Variants in GRIK2 observed in about 807,000 individuals in gnomAD.
GRIK2 encodes the protein glutamate ionotropic receptor kainate type subunit 2.
GRIK2 carries 32 observed loss-of-function variants against 100.3 expected under a neutral mutation model. The observed-to-expected ratio is 0.32, with a 90% CI of 0.24 to 0.43. The LOEUF is 0.43. GRIK2 is among the 20% of genes least tolerant of loss of function. The pLI is 1.00. For synonymous variants in GRIK2, 417 were observed against 389.4 expected (o/e 1.07, Z -0.83); for missense variants, 843 against 1,114.9 (o/e 0.76, Z 3.47).
At chr6:101,827,952 T>G (rs1782444043) in intron 10 of GRIK2, among the ~76,000 whole-genome samples, 1 of 151,906 alleles carries the variant, frequency 6.6e-6, no homozygotes, top group African/African-American at 2.4e-5. Flanking sequence ...TACAGAATCT[T>G]CCATCCAAAA....
chr6:101,541,374 AACC>A (rs1352895251), intron 2 of GRIK2, among the ~76,000 whole-genome samples: 3 of 2,120 alleles, frequency 1.4e-3, no homozygotes, highest in Admixed American at 0.012. Flanking sequence ...CAGCGCACAC[AACC>A]ACACACACAC....
chr6:101,891,694 G>A, intron 12 of GRIK2: 1 of 335,444 alleles, frequency 3.0e-6, no homozygotes, highest in South Asian at 2.4e-5. Context: ...CTATGTATTG[G>A]AAGCATATTG....
intron 2 of GRIK2, among the ~76,000 whole-genome samples, chr6:101,431,773 A>G (rs1180011121): frequency 6.6e-6 from 1 of 152,186 alleles, no homozygotes; most frequent in African/African-American, 2.4e-5. Context: ...CTACTGATTT[A>G]ATAGTATTAT....
chr6:101,963,448 C>A (rs2128483285), intron 14 of GRIK2, among the ~76,000 whole-genome samples: 2 of 148,102 alleles, frequency 1.4e-5, no homozygotes, highest in Middle Eastern at 7.1e-3. Context: ...CAGGCGCCTG[C>A]CACAGCACCT....
intron 7 of GRIK2, among the ~76,000 whole-genome samples, chr6:101,775,876 T>G (rs1171116556): frequency 6.6e-6 from 1 of 151,644 alleles, no homozygotes; most frequent in Non-Finnish European, 1.5e-5. Context: ...CAGGCTGGAG[T>G]GCAGTGGCAC....
rs1193552049 is a variant in GRIK2 at position 101,707,594 on chromosome 6, G to GTATATATA, written c.951+21248_951+21249insATATATAT. 6.9e-4 allele frequency among the ~76,000 whole-genome samples: 73 copies of GTATATATA among 106,088 alleles called. 1 individual carries two copies. The highest frequency in any genetic ancestry group is 2.2e-3 in the South Asian group (7 of 3,206). The allele number at this position is 106,088 out of a possible 152,430, so 69.6% of individuals were successfully genotyped here. On this transcript the variant is annotated intron_variant, in intron 7 of 16. Transcript: ENST00000369134. ...TATGTGTATGTGTGTGTGTGTGTGT[G>GTATATATA]TATATATGTGTGTATATATATATAT...
intron 2 of GRIK2, among the ~76,000 whole-genome samples, chr6:101,587,402 CTCCG>C (rs1778430544): frequency 6.6e-6 from 1 of 150,510 alleles, no homozygotes. Context: ...CTGTCTGTCC[CTCCG>C]TCCATCCATC....
chr6:101,639,493 C>T (rs887955040), intron 4 of GRIK2, among the ~76,000 whole-genome samples: 4 of 151,894 alleles, frequency 2.6e-5, no homozygotes, highest in African/African-American at 9.7e-5. Context: ...CCATGTTAGA[C>T]TTATTTCTCC....
intron 2 of GRIK2, among the ~76,000 whole-genome samples, chr6:101,508,025 G>A (rs1210528987): frequency 6.6e-6 from 1 of 151,696 alleles, no homozygotes. Flanking sequence ...AATGAAGTAG[G>A]AAATTTAGAC....
At chr6:101,893,282 T>C (rs1787225190) in intron 12 of GRIK2, among the ~76,000 whole-genome samples, 1 of 151,580 alleles carries the variant, frequency 6.6e-6, no homozygotes, top group African/African-American at 2.4e-5. Context: ...AAAAGAAAGA[T>C]CATGTTTCAA....
chr6:101,758,574 T>C (rs1562362196), intron 7 of GRIK2, among the ~76,000 whole-genome samples: 1 of 152,172 alleles, frequency 6.6e-6, no homozygotes, highest in Non-Finnish European at 1.5e-5. Flanking sequence ...CAGTTGGGAA[T>C]GTGTCTATGA....
At chr6:101,760,688 A>ATG (rs1346649374) in intron 7 of GRIK2, among the ~76,000 whole-genome samples, 12 of 70,324 alleles carry the variant, frequency 1.7e-4, no homozygotes, top group Non-Finnish European at 2.2e-4. Context: ...ATTTAATTAT[A>ATG]TATAATTATA....
At chr6:102,058,435 T>C (rs781066216) in intron 16 of GRIK2, among the ~76,000 whole-genome samples, 41 of 143,946 alleles carry the variant, frequency 2.8e-4, no homozygotes, top group Non-Finnish European at 4.7e-4. Context: ...AAGAAAAGTA[T>C]CATAAAGAAA....
At chr6:101,699,529 T>C (rs1582983923) in intron 7 of GRIK2, among the ~76,000 whole-genome samples, 1 of 152,134 alleles carries the variant, frequency 6.6e-6, no homozygotes, top group East Asian at 1.9e-4. Flanking sequence ...GAATGTGTTC[T>C]CTCACCTAAC....
intron 7 of GRIK2, among the ~76,000 whole-genome samples, chr6:101,790,695 T>G (rs1251936543): frequency 6.6e-6 from 1 of 150,502 alleles, no homozygotes; most frequent in Non-Finnish European, 1.5e-5. Context: ...CTGCCCGGCT[T>G]TGGTATCAGG....
intron 9 of GRIK2, among the ~76,000 whole-genome samples, chr6:101,810,999 A>G (rs765238059): frequency 6.6e-6 from 1 of 152,242 alleles, no homozygotes; most frequent in East Asian, 1.9e-4. Context: ...GTAAATCAGC[A>G]TTTAATATAA....
Position 101,416,560 on chromosome 6 carries a change from TG to T in GRIK2, c.115+17172del, listed in dbSNP as rs1291885409. Among the ~76,000 whole-genome samples, 7 of 152,196 alleles carry T rather than the reference TG, an allele frequency of 4.6e-5. 1 individual carries two copies. Among genetic ancestry groups the T allele is most frequent in the African/African-American group, 1.4e-4 (6 of 41,444 alleles). ...TTTTCTTTAGGGAAATGAAGTTGTT[TG>T]GGGCTTTCAGGAAATTAAATTGAAC... is the stretch of plus-strand genomic sequence containing the variant. On this transcript the variant is annotated intron_variant, in intron 2 of 16. Coordinates refer to ENST00000369134, the MANE Select transcript of GRIK2 (RefSeq NM_021956.5).
rs1397693667 is a variant in GRIK2, at chr6:101,760,569, T to G, written c.952-39079T>G. Among the ~76,000 whole-genome samples, 166 of 96,248 alleles carry G rather than the reference T, an allele frequency of 1.7e-3. 6 individuals are homozygous for G. Among genetic ancestry groups the G allele is most frequent in the African/African-American group, 6.2e-3 (118 of 19,168 alleles). 63.1% of individuals were successfully genotyped at this position (96,248 alleles called of 152,430 possible). On this transcript the variant is annotated intron_variant, in intron 7 of 16. Transcript: ENST00000369134. ...TATTTATTATATATAATTAATTATA[T>G]TTAATTAATTATATATAATTATATA...
At chr6:101,404,466 A>G (rs1199981444) in intron 2 of GRIK2, among the ~76,000 whole-genome samples, 1 of 152,198 alleles carries the variant, frequency 6.6e-6, no homozygotes, top group African/African-American at 2.4e-5. Flanking sequence ...AGGTGAGAGA[A>G]ATTACTTCAC....
Sources: allele counts gnomAD v4.1 joint callset (sites outside exome capture counted in the v4.1 genomes callset), GRCh38; gene constraint gnomAD v4.1.1; transcripts MANE v1.5; gene names NCBI Gene and HGNC (gene_info 2026-07-23, HGNC 2026-07-21).